MPRIP: variants seen among roughly 807,000 people sequenced by gnomAD.
MPRIP encodes myosin phosphatase Rho-interacting protein.
In MPRIP, 59 loss-of-function variants were observed where a neutral mutation model predicts 234.9. The ratio of observed to expected loss-of-function variants is 0.25; its 90% confidence interval spans 0.20 to 0.31. The LOEUF is 0.31. Ranked by LOEUF, MPRIP falls within the 10% of genes least tolerant of loss-of-function variation. The pLI, the probability that MPRIP is intolerant of heterozygous loss-of-function variation, is 1.00. For missense variants in MPRIP, 2,436 were observed against 3,071.0 expected (o/e 0.79, Z 4.89); for synonymous variants, 1,144 against 1,263.9 (o/e 0.91, Z 2.01).
intron 3 of MPRIP, among the ~76,000 whole-genome samples, chr17:17,111,984 A>G (rs1487543398): frequency 6.6e-6 from 1 of 152,060 alleles, no homozygotes; most frequent in African/African-American, 2.4e-5. Context: ...AGTTCTGTTC[A>G]TTGTCGCATG....
At position 17,131,712 on chromosome 17, in the gene MPRIP, G is replaced by A; in HGVS notation, c.504+11G>A. On this transcript the variant is annotated intron_variant, in intron 5 of 23. Transcript: ENST00000651222. The stretch of plus-strand genomic sequence containing the variant: ...CCCCCCACACCACAGGTAGGCAGTG[G>A]GTTTGCCAGATGGCATCCCCTCAGT... 6.2e-7 allele frequency: 1 copy of A among 1,613,488 alleles called. No homozygotes were observed.
chr17:17,126,842 G>T lies in MPRIP; in HGVS notation c.408G>T (p.Glu136Asp). The T allele has an allele frequency of 6.2e-7, 1 of 1,613,788 alleles. No homozygotes were observed. Among genetic ancestry groups the T allele is most frequent in the Non-Finnish European group, 8.5e-7 (1 of 1,179,772 alleles). The stretch of plus-strand genomic sequence containing the variant: ...ATTTCATCCGGGCGGAGACCAAGGA[G>T]ATCGTCAGTGGGTGAGTATGCTGGC... ...KEHFIRAETK[E>D]IVSGWLEMLM... Residue 136 changes from glutamate to aspartate, a missense_variant, in exon 4 of 24, where the codon GAG becomes GAT. Physicochemically the swap from Glu to Asp is conservative, Grantham distance 45. Coordinates refer to ENST00000651222, the MANE Select transcript of MPRIP (RefSeq NM_001364716.4).
chr17:17,138,421 C>T lies in MPRIP; in HGVS notation c.1242C>T (p.Asn414=), dbSNP rs935500907. 6 of 253,516 alleles carry T rather than the reference C, an allele frequency of 2.4e-5. No homozygotes were observed. Among genetic ancestry groups the T allele is most frequent in the African/African-American group, 1.4e-4 (6 of 44,386 alleles). 15.7% of individuals were successfully genotyped at this position (253,516 alleles called of 1,614,324 possible). ...GREEVARLFG[N]ERRRSQVIEK... is the part of the protein sequence containing the mutation. ...AGGAGGTGGCCCGTCTGTTTGGCAA[C>T]GAGCGGAGGTAAGGAGCAGGTTAGA... The change falls in exon 7 of 24, where the codon AAC becomes AAT. Residue 414 remains asparagine (N), a synonymous_variant. Transcript: ENST00000651222. The surrounding 1 kb of genome is among the most constrained non-coding windows in gnomAD (Gnocchi z 5.8).
chr17:17,055,285 G>T (rs575049703), intron 1 of MPRIP, among the ~76,000 whole-genome samples: 1 of 152,138 alleles, frequency 6.6e-6, no homozygotes, highest in East Asian at 1.9e-4. Context: ...TATCCCACTC[G>T]TATCCATGGA....
In MPRIP at chr17:17,191,605, C is replaced by T. The variant is rs3744125; in HGVS notation, c.*6711C>T. 0.13 allele frequency: 19,681 copies of T among 152,244 alleles called. 1,811 individuals carry two copies. The highest frequency in any genetic ancestry group is 0.3 in the East Asian group (1,573 of 5,172). 9.4% of individuals were successfully genotyped at this position (152,244 alleles called of 1,614,324 possible). A position where few individuals can be genotyped will look rare whatever the true frequency, so the allele number is the denominator to read the frequency against. ...ACACGGCATGTTCCTCGGGCACAGC[C>T]TCAGTGGGGGCCTTCCCCAGGCGCA... On this transcript the variant is annotated 3_prime_UTR_variant, in exon 24 of 24. Coordinates refer to ENST00000651222, the MANE Select transcript of MPRIP (RefSeq NM_001364716.4).
In MPRIP at chr17:17,072,491, G is replaced by C. The variant is rs185786409; in HGVS notation, c.124-3219G>C. ...AGACATGTCATAGCAATGTAATTAC[G>C]TACATAATGAAATGGTAGGTAGAAA... On this transcript the variant is annotated intron_variant, in intron 1 of 23. Coordinates refer to ENST00000651222, the MANE Select transcript of MPRIP (RefSeq NM_001364716.4). 4.9e-3 allele frequency among the ~76,000 whole-genome samples: 746 copies of C among 152,330 alleles called. 5 individuals are homozygous for C. The highest frequency in any genetic ancestry group is 8.7e-3 in the Non-Finnish European group (590 of 68,036).
Position 17,114,951 on chromosome 17 carries a change from T to A in MPRIP, c.268-11751T>A, listed in dbSNP as rs182430044. On this transcript the variant is annotated intron_variant, in intron 3 of 23. Transcript: ENST00000651222. ...ATTTTCTCCGTTAAAAAAAAAGTAGTTTAGTGGTTCTAACTATGCCCCTGG... is the reference window on the plus strand; with the variant it reads ...ATTTTCTCCGTTAAAAAAAAAGTAGATTAGTGGTTCTAACTATGCCCCTGG... 3.0e-3 allele frequency among the ~76,000 whole-genome samples: 451 copies of A among 152,332 alleles called. 1 individual carries two copies. The highest frequency in any genetic ancestry group is 8.9e-3 in the African/African-American group (370 of 41,576).
chr17:17,066,723 C>CT lies in MPRIP; in HGVS notation c.124-8941dup, dbSNP rs34804730. ...TCAAACCCACAGATACTTTTTTCAT[C>CT]TTTTTTTTTTTTTTTTTTTTTTTTT... On this transcript the variant is annotated intron_variant, in intron 1 of 23. Transcript: ENST00000651222. Among the ~76,000 whole-genome samples, 2 of 36,638 alleles carry CT rather than the reference C, an allele frequency of 5.5e-5. 1 individual carries two copies. The highest frequency in any genetic ancestry group is 1.2e-4 in the Non-Finnish European group (2 of 16,616). 24.0% of individuals were successfully genotyped at this position (36,638 alleles called of 152,430 possible).
intron 13 of MPRIP, among the ~76,000 whole-genome samples, chr17:17,156,363 A>G (rs2045730103): frequency 6.6e-6 from 1 of 151,940 alleles, no homozygotes; most frequent in Admixed American, 6.6e-5. Context: ...GAATTACTTC[A>G]TAACCTAGCA....
intron 3 of MPRIP, among the ~76,000 whole-genome samples, chr17:17,111,834 T>C (rs951354772): frequency 3.3e-5 from 5 of 152,058 alleles, no homozygotes; most frequent in African/African-American, 4.8e-5. Context: ...CACTGCCCAC[T>C]CACTCTCTGT....
At chr17:17,175,741 C>G (rs1034251018) in intron 20 of MPRIP, among the ~76,000 whole-genome samples, 1 of 152,236 alleles carries the variant, frequency 6.6e-6, no homozygotes, top group African/African-American at 2.4e-5. Context: ...TGCTGCAGCT[C>G]AGGTCAGGGA....
intron 23 of MPRIP, chr17:17,183,061 GGGTGTTGA>G (rs1363140283): frequency 6.6e-6 from 1 of 152,326 alleles, no homozygotes; most frequent in African/African-American, 2.4e-5. Context: ...AAGCAGGCAT[GGGTGTTGA>G]GGTACATCTG....
chr17:17,138,186 T>C lies in MPRIP; in HGVS notation c.1007T>C (p.Val336Ala). The part of the protein sequence containing the change: ...VCSISLSSLD[V>A]ASQPPAYVDS... ...AGCATCTCCCTCAGCTCCCTGGATGTGGCCAGCCAGCCACCTGCCTACGTG... is the reference window on the plus strand; with the variant it reads ...AGCATCTCCCTCAGCTCCCTGGATGCGGCCAGCCAGCCACCTGCCTACGTG... Residue 336 changes from valine (V) to alanine (A), a missense_variant, in exon 7 of 24, where the codon GTG (valine) becomes GCG (alanine). Physicochemically the swap from Val to Ala is moderately conservative, Grantham distance 64. This residue lies in a region of MPRIP where 267 missense variants were observed against 252.7 expected (regional missense o/e 1.06). Coordinates refer to ENST00000651222, the MANE Select transcript of MPRIP (RefSeq NM_001364716.4). The surrounding 1 kb of genome is among the most constrained non-coding windows in gnomAD (Gnocchi z 5.8). 1 of 1,026,112 alleles carries C rather than the reference T, an allele frequency of 9.7e-7. No individual in the cohort carries two copies. Among genetic ancestry groups the C allele is most frequent in the South Asian group, 1.7e-5 (1 of 57,212 alleles). 63.6% of individuals were successfully genotyped at this position (1,026,112 alleles called of 1,614,324 possible).
rs543226964 is a variant in MPRIP, at chr17:17,154,371, C to G, written c.1785C>G (p.Thr595=). 1.9e-6 allele frequency: 3 copies of G among 1,614,136 alleles called. No individual in the cohort carries two copies. In the African/African-American group the frequency reaches 4.0e-5, roughly 22 times the overall value. ...TSGIRRNWIQ[T]IMKHVHPTTA... ...GGATTCGGCGGAACTGGATCCAGAC[C>G]ATCATGAAGCACGTGCACCCGACCA... is the stretch of plus-strand genomic sequence containing the variant. Residue 595 remains threonine (T), a synonymous_variant, in exon 13 of 24, where the codon ACC becomes ACG. Transcript: ENST00000651222.
intron 1 of MPRIP, among the ~76,000 whole-genome samples, chr17:17,072,869 C>T (rs2089231452): frequency 6.6e-6 from 1 of 152,158 alleles, no homozygotes; most frequent in Admixed American, 6.5e-5. Context: ...GAGTCCTCTC[C>T]ACCCCAGGCC....
intron 4 of MPRIP, among the ~76,000 whole-genome samples, chr17:17,127,091 G>A (rs925140591): frequency 1.3e-5 from 2 of 152,104 alleles, no homozygotes; most frequent in East Asian, 1.9e-4. Flanking sequence ...TACCCTCCTC[G>A]GGCCTCCCCA....
rs1368625888 is a variant in MPRIP at position 17,185,529 on chromosome 17, TTTG to T, written c.*638_*640del. ...AATGTTGAAAGCAACCATTCCTATT[TTTG>T]TTTGTTTTTTATTAAATCTTGCACA... On this transcript the variant is annotated 3_prime_UTR_variant, in exon 24 of 24. Transcript: ENST00000651222. 1 of 457,196 alleles carries T rather than the reference TTTG, an allele frequency of 2.2e-6. No homozygotes were observed. Among genetic ancestry groups the T allele is most frequent in the South Asian group, 1.5e-5 (1 of 64,572 alleles). 28.3% of individuals were successfully genotyped at this position (457,196 alleles called of 1,614,324 possible). A position where few individuals can be genotyped will look rare whatever the true frequency, so the allele number is the denominator to read the frequency against.
intron 10 of MPRIP, among the ~76,000 whole-genome samples, chr17:17,146,729 G>C (rs1313839520): frequency 6.6e-6 from 1 of 152,220 alleles, no homozygotes; most frequent in East Asian, 1.9e-4. Flanking sequence ...CTGATGCCTA[G>C]CCCATCCTCA....
intron 3 of MPRIP, among the ~76,000 whole-genome samples, chr17:17,108,206 G>A (rs1361474959): frequency 6.6e-6 from 1 of 152,180 alleles, no homozygotes; most frequent in African/African-American, 2.4e-5. Flanking sequence ...GCTCCAGCAT[G>A]TCCATTCACC....
Sources: allele counts gnomAD v4.1 joint callset (sites outside exome capture counted in the v4.1 genomes callset), GRCh38; gene constraint gnomAD v4.1.1; regional missense constraint gnomAD v4.1.1; non-coding constraint Gnocchi (gnomAD v3.1); transcripts MANE v1.5; gene names NCBI Gene and HGNC (gene_info 2026-07-23, HGNC 2026-07-21).